The following RARS1 variants were observed in gnomAD, a reference collection of about 807,000 sequenced individuals.
The protein encoded by RARS1 is arginyl-tRNA synthetase 1.
Under a neutral mutation model 78.7 loss-of-function variants are expected in RARS1, and 75 were observed. That is an observed-to-expected ratio of 0.95 (90% CI 0.79 to 1.15). RARS1 has a LOEUF of 1.15. Ranked by LOEUF, RARS1 falls within the 50% of genes most tolerant of loss-of-function variation. RARS1 has a pLI of 0.00. For missense variants in RARS1, 787 were observed against 787.5 expected, an observed-to-expected ratio of 1.00 and a Z score of 0.01; for synonymous variants, 273 against 268.2, an observed-to-expected ratio of 1.02 and a Z score of -0.18.
At chr5:168,509,347 T>TA in intron 11 of RARS1, among the ~76,000 whole-genome samples, 1 of 151,450 alleles carries the variant, frequency 6.6e-6, no homozygotes, top group East Asian at 1.9e-4. Context: ...GCTCTGGAAA[T>TA]AAAACTTTAA....
At chr5:168,491,221 G>A (rs748401953) in intron 2 of RARS1, among the ~76,000 whole-genome samples, 16 of 152,216 alleles carry the variant, frequency 1.1e-4, no homozygotes, top group Non-Finnish European at 2.2e-4. Context: ...TAGGCCAAGT[G>A]TGGTGGCTCA....
At chr5:168,492,143 C>T (rs545395332) in intron 2 of RARS1, among the ~76,000 whole-genome samples, 14 of 152,072 alleles carry the variant, frequency 9.2e-5, no homozygotes, top group Admixed American at 7.9e-4. Flanking sequence ...GACTATATTC[C>T]ATGGGAAAAC....
intron 6 of RARS1, among the ~76,000 whole-genome samples, chr5:168,496,526 A>G (rs1015804367): frequency 1.3e-5 from 2 of 151,796 alleles, no homozygotes; most frequent in African/African-American, 2.4e-5. Flanking sequence ...TCTGTTGCCC[A>G]GGCTGGAGTG....
At position 168,486,485 on chromosome 5, in the gene RARS1, A is replaced by G. The variant is rs1049328034; in HGVS notation, c.-14A>G. On this transcript the variant is annotated 5_prime_UTR_variant, in exon 1 of 15. Coordinates refer to ENST00000231572, the MANE Select transcript of RARS1 (RefSeq NM_002887.4). ...CGCTTCCGTCCACTTGGCGAGTGAG[A>G]CGCTGATGGGAGGATGGACGTACTG... 1.3e-6 allele frequency: 2 copies of G among 1,556,352 alleles called. No homozygotes were observed. Among genetic ancestry groups the G allele is most frequent in the Non-Finnish European group, 1.7e-6 (2 of 1,149,134 alleles).
At chr5:168,518,164 GC>G in intron 14 of RARS1, 102 bp downstream of exon 14, 2 of 1,295,922 alleles carry the variant, frequency 1.5e-6, no homozygotes, top group Non-Finnish European at 2.0e-6. Context: ...GGTCACTGAA[GC>G]CTCAAACTTC....
At chr5:168,507,595 G>A (rs373650830) in intron 11 of RARS1, among the ~76,000 whole-genome samples, 23 of 152,292 alleles carry the variant, frequency 1.5e-4, no homozygotes, top group South Asian at 1.2e-3. Flanking sequence ...CAGCCAATGC[G>A]CAGAAGCCCT....
chr5:168,506,717 TG>T lies in RARS1; in HGVS notation c.1237-4del. 3 of 1,603,432 alleles carry T rather than the reference TG, an allele frequency of 1.9e-6. 1 individual carries two copies. The South Asian group carries it at 3.3e-5, about 18-fold the overall frequency. Reference sequence around the variant, plus strand: ...CTAGCAAGTAACTTTCCGTTTCTGTTGTAGTCTGTGCACTTCCAGACAATAT... The same window carrying T: ...CTAGCAAGTAACTTTCCGTTTCTGTTTAGTCTGTGCACTTCCAGACAATAT... On this transcript the variant is annotated splice_polypyrimidine_tract_variant and splice_region_variant and intron_variant, in intron 10 of 14. Transcript: ENST00000231572.
rs1258676669 is a variant in RARS1, at chr5:168,495,506, G to C, written c.701+70G>C. The C allele has an allele frequency of 4.6e-6, 7 of 1,532,478 alleles. No homozygotes were observed. In the Admixed American group the frequency reaches 5.4e-5, roughly 12 times the overall value. The allele number at this position is 1,532,478 out of a possible 1,614,324, so 94.9% of individuals were successfully genotyped here. On this transcript the variant is annotated intron_variant, in intron 6 of 14. Transcript: ENST00000231572. Reference sequence around the variant, plus strand: ...TGTTTGGAAAATTCTATAGAACATGGAATATCTCACTCAAGAAAGAACATT... The same window carrying C: ...TGTTTGGAAAATTCTATAGAACATGCAATATCTCACTCAAGAAAGAACATT...
At position 168,497,620 on chromosome 5, in the gene RARS1, CAG is replaced by C. The variant is rs371351224; in HGVS notation, c.822+273_822+274del. On this transcript the variant is annotated intron_variant, in intron 7 of 14. Transcript: ENST00000231572. ...ATCTGCTCAGTTTCTGGGGAGGACTCAGGGAGTTTTATTTATGGTGGAAGGCA... is the reference window on the plus strand; with the variant it reads ...ATCTGCTCAGTTTCTGGGGAGGACTCGGAGTTTTATTTATGGTGGAAGGCA... Among the ~76,000 whole-genome samples, 126 of 152,110 alleles carry C rather than the reference CAG, an allele frequency of 8.3e-4. 2 individuals carry two copies. Among genetic ancestry groups the C allele is most frequent in the East Asian group, 5.0e-3 (26 of 5,170 alleles).
chr5:168,492,977 C>A, intron 3 of RARS1, 130 bp downstream of exon 3: 1 of 943,692 alleles, frequency 1.1e-6, no homozygotes, highest in Non-Finnish European at 1.5e-6. Flanking sequence ...GTTTGAAAAA[C>A]TTGAGAAAGG....
At chr5:168,490,093 C>T (rs757348434) in intron 2 of RARS1, among the ~76,000 whole-genome samples, 4 of 152,112 alleles carry the variant, frequency 2.6e-5, no homozygotes, top group South Asian at 2.1e-4. Flanking sequence ...GGATTACAGG[C>T]GTGAGCCACC....
intron 12 of RARS1, among the ~76,000 whole-genome samples, chr5:168,514,389 AT>A (rs1212245714): frequency 6.6e-6 from 1 of 151,440 alleles, no homozygotes; most frequent in East Asian, 1.9e-4. Context: ...GCTCTAATTC[AT>A]TTTTTTCTTT....
chr5:168,506,948 A>G lies in RARS1; in HGVS notation c.1346+117A>G, dbSNP rs79719603. Reference sequence around the variant, plus strand: ...CAGTTTCCTTTAGTCCACATAAGCTATAATGGTGTAAACCCAGCTGAGTGA... The same window carrying G: ...CAGTTTCCTTTAGTCCACATAAGCTGTAATGGTGTAAACCCAGCTGAGTGA... On this transcript the variant is annotated intron_variant, in intron 11 of 14. Coordinates refer to ENST00000231572, the MANE Select transcript of RARS1 (RefSeq NM_002887.4). 5.6e-3 allele frequency: 4,471 copies of G among 803,826 alleles called. 133 individuals are homozygous for G. In the African/African-American group the frequency reaches 0.066, roughly 12 times the overall value. The allele number at this position is 803,826 out of a possible 1,614,324, so 49.8% of individuals were successfully genotyped here.
chr5:168,518,097 G>GTTTTTTTTTTTTTTTTTTTTTTTTTTTT (rs1561829748), intron 14 of RARS1, 35 bp downstream of exon 14: 2 of 920,026 alleles, frequency 2.2e-6, no homozygotes, highest in Non-Finnish European at 1.4e-6. Context: ...TTTTTTTTTA[G>GTTTTTTTTTTTTTTTTTTTTTTTTTTTT]TGAGAGACAC....
chr5:168,505,855 AATAG>A (rs1401445952), intron 9 of RARS1, among the ~76,000 whole-genome samples, 162 bp from the exon 10 acceptor site: 1 of 152,152 alleles, frequency 6.6e-6, no homozygotes, highest in Non-Finnish European at 1.5e-5. Flanking sequence ...CAAGGTTTCT[AATAG>A]ATCATGGTGA....
chr5:168,493,888 T>C lies in RARS1; in HGVS notation c.370-6T>C. ...GTGTAATGAATCATTTTATATTGTGTTGTAGATGCTCAAAACCAAGGAACA... is the reference window on the plus strand; with the variant it reads ...GTGTAATGAATCATTTTATATTGTGCTGTAGATGCTCAAAACCAAGGAACA... On this transcript the variant is annotated splice_region_variant and splice_polypyrimidine_tract_variant and intron_variant, in intron 3 of 14. Transcript: ENST00000231572. 2 of 1,596,110 alleles carry C rather than the reference T, an allele frequency of 1.3e-6. No individual in the cohort carries two copies. The highest frequency in any genetic ancestry group is 2.7e-5 in the African/African-American group (2 of 74,608).
At chr5:168,494,191 A>G (rs2152903838) in intron 4 of RARS1, 189 bp downstream of exon 4, 1 of 953,674 alleles carries the variant, frequency 1.0e-6, no homozygotes, top group African/African-American at 1.8e-5. Flanking sequence ...TAGCTGCCTT[A>G]TCTTGAATGA....
At chr5:168,512,460 C>T (rs2113025878) in intron 12 of RARS1, among the ~76,000 whole-genome samples, 1 of 152,214 alleles carries the variant, frequency 6.6e-6, no homozygotes, top group South Asian at 2.1e-4. Context: ...TTTCATTGCA[C>T]CATATGTTTA....
At chr5:168,500,413 A>C (rs564007007) in intron 7 of RARS1, among the ~76,000 whole-genome samples, 178 bp from the exon 8 acceptor site, 1 of 152,128 alleles carries the variant, frequency 6.6e-6, no homozygotes, top group African/African-American at 2.4e-5. Flanking sequence ...AATGATTTCA[A>C]AGTTCTTTGG....
Sources: gnomAD v4.1 joint callset for allele counts (sites outside exome capture counted in the v4.1 genomes callset) on GRCh38, gnomAD v4.1.1 for gene constraint, MANE v1.5 for transcripts, NCBI Gene and HGNC (gene_info 2026-07-23, HGNC 2026-07-21) for gene names.